Variants in MYRFL observed in about 807,000 individuals in gnomAD.
MYRFL encodes the protein myelin regulatory factor like, also known as myelin regulatory factor-like protein.
In MYRFL, 88 loss-of-function variants were observed where a neutral mutation model predicts 109.4. That is an observed-to-expected ratio of 0.80 (90% CI 0.68 to 0.96). The LOEUF (loss-of-function observed/expected upper bound fraction) is 0.96. MYRFL is among the 40% of genes least tolerant of loss of function. MYRFL has a pLI of 0.00. For missense variants in MYRFL, 957 were observed against 954.9 expected (o/e 1.00, Z -0.03); for synonymous variants, 324 against 320.9 (o/e 1.01, Z -0.10).
In MYRFL at chr12:69,863,050, AT is replaced by A. The variant is rs1331190615; in HGVS notation, c.137+7683del. On this transcript the variant is annotated intron_variant, in intron 2 of 24. Transcript: ENST00000552032. ...TGGTTCTGTTTATATGCTGGATTAC[AT>A]TTATTGATTTGCATATATTGAACCA... 2.0e-5 allele frequency among the ~76,000 whole-genome samples: 3 copies of A among 151,974 alleles called. No homozygotes were observed. The East Asian group carries it at 5.8e-4, about 29-fold the overall frequency.
Position 69,957,821 on chromosome 12 carries a change from G to A in MYRFL, c.2451-1G>A. 6.6e-7 allele frequency: 1 copy of A among 1,519,532 alleles called. No individual in the cohort carries two copies. Among genetic ancestry groups the A allele is most frequent in the Non-Finnish European group, 8.8e-7 (1 of 1,135,212 alleles). 94.1% of individuals were successfully genotyped at this position (1,519,532 alleles called of 1,614,324 possible). A position where few individuals can be genotyped will look rare whatever the true frequency, so the allele number is the denominator to read the frequency against. On this transcript the variant is annotated splice_acceptor_variant, in intron 22 of 24. Coordinates refer to ENST00000552032, the MANE Select transcript of MYRFL (RefSeq NM_182530.3). LOFTEE classifies it high-confidence loss of function. ...CTCTTTCTTTTCTTTGTCTCTTGAA[G>A]CACAACAGAGCCATTGATAGTCTTC...
intron 1 of MYRFL, among the ~76,000 whole-genome samples, chr12:69,853,900 C>T (rs530215295): frequency 1.4e-3 from 208 of 151,722 alleles, no homozygotes; most frequent in African/African-American, 4.5e-3. Flanking sequence ...ACATCCCAGA[C>T]GATGGGCGGC....
At chr12:69,853,690 G>A (rs1884065424) in intron 1 of MYRFL, among the ~76,000 whole-genome samples, 1 of 148,244 alleles carries the variant, frequency 6.7e-6, no homozygotes, top group South Asian at 2.2e-4. Context: ...GGGCAGAGAC[G>A]ATCCTCACTT....
At chr12:69,932,077 C>T (rs1295566787) in intron 15 of MYRFL, among the ~76,000 whole-genome samples, 1 of 152,138 alleles carries the variant, frequency 6.6e-6, no homozygotes, top group African/African-American at 2.4e-5. Flanking sequence ...CATAATTTGT[C>T]ATGATACCCG....
At chr12:69,901,678 G>A (rs1486610412) in intron 10 of MYRFL, among the ~76,000 whole-genome samples, 3 of 152,056 alleles carry the variant, frequency 2.0e-5, no homozygotes, top group Non-Finnish European at 2.9e-5. Flanking sequence ...ATCTTATATG[G>A]CATACCTTTG....
At chr12:69,869,972 C>T (rs917007122) in intron 2 of MYRFL, among the ~76,000 whole-genome samples, 3 of 152,138 alleles carry the variant, frequency 2.0e-5, no homozygotes, top group Admixed American at 1.3e-4. Flanking sequence ...AGATTCAACC[C>T]CTGGGAGATT....
intron 16 of MYRFL, among the ~76,000 whole-genome samples, chr12:69,935,179 C>T (rs902489722): frequency 4.1e-5 from 6 of 146,442 alleles, no homozygotes; most frequent in Non-Finnish European, 6.0e-5. Flanking sequence ...TTTATAAGCA[C>T]ATATGGCACA....
At chr12:69,855,202 A>G (rs1369975394) in intron 1 of MYRFL, 78 bp from the exon 2 acceptor site, 1 of 651,800 alleles carries the variant, frequency 1.5e-6, no homozygotes, top group Non-Finnish European at 2.8e-6. Context: ...CCCTGACCTT[A>G]AAGATTTGTC....
At chr12:69,919,382 GGCAA>G (rs759669796) in intron 13 of MYRFL, among the ~76,000 whole-genome samples, 1 of 152,182 alleles carries the variant, frequency 6.6e-6, no homozygotes, top group East Asian at 1.9e-4. Context: ...AGGATTCTAA[GGCAA>G]ACAAAGGGCA....
At chr12:69,827,395 A>G (rs1423679122) in intron 1 of MYRFL, among the ~76,000 whole-genome samples, 1 of 152,020 alleles carries the variant, frequency 6.6e-6, no homozygotes, top group Non-Finnish European at 1.5e-5. Flanking sequence ...TGTCTCAGGA[A>G]AATGACAAGG....
intron 13 of MYRFL, among the ~76,000 whole-genome samples, chr12:69,912,808 G>T (rs959869796): frequency 1.3e-5 from 2 of 152,056 alleles, no homozygotes; most frequent in African/African-American, 4.8e-5. Context: ...AATTTAGGGG[G>T]AATATTTACT....
chr12:69,926,780 G>T, intron 14 of MYRFL, 46 bp downstream of exon 14: 1 of 1,348,750 alleles, frequency 7.4e-7, no homozygotes, highest in Admixed American at 3.1e-5. Context: ...AAAGGAGAGA[G>T]TGAGCTCTTT....
intron 1 of MYRFL, among the ~76,000 whole-genome samples, chr12:69,840,831 C>T (rs1229529665): frequency 3.9e-5 from 6 of 152,162 alleles, no homozygotes; most frequent in Non-Finnish European, 4.4e-5. Flanking sequence ...CAAATTTTTG[C>T]ATCTGTGACA....
In MYRFL at chr12:69,952,817, G is replaced by A. The variant is rs572940419; in HGVS notation, c.2306G>A (p.Ser769Asn). 81 of 1,534,072 alleles carry A rather than the reference G, an allele frequency of 5.3e-5. No individual in the cohort carries two copies. The South Asian group carries it at 8.9e-4, about 17-fold the overall frequency. The change falls in exon 21 of 25, where the codon AGT becomes AAT. Residue 769 changes from serine to asparagine, a missense_variant. By Grantham distance (46) the Ser-to-Asn change is conservative. Transcript: ENST00000552032. ...WESDWIDTTI[S>N]SIQIMEIQQI... is the part of the protein sequence containing the mutation. ...AATTCAGGGATTGATACAACCATCA[G>A]TTCTATTCAGATTATGGAAATCCAG...
At chr12:69,958,153 C>A in intron 23 of MYRFL, 96 bp from the exon 24 acceptor site, 1 of 1,226,272 alleles carries the variant, frequency 8.2e-7, no homozygotes, top group Non-Finnish European at 1.1e-6. Context: ...AATACTTCTC[C>A]TACAGTCATT....
At chr12:69,868,445 C>T (rs1386971263) in intron 2 of MYRFL, among the ~76,000 whole-genome samples, 1 of 152,104 alleles carries the variant, frequency 6.6e-6, no homozygotes, top group African/African-American at 2.4e-5. Flanking sequence ...GGATTAAGTA[C>T]AATGATGGTA....
chr12:69,947,603 TA>T lies in MYRFL; in HGVS notation c.2225-4507del, dbSNP rs1456340419. On this transcript the variant is annotated intron_variant, in intron 19 of 24. Coordinates refer to ENST00000552032, the MANE Select transcript of MYRFL (RefSeq NM_182530.3). ...GACAGGAGAGTTAGATATTAAAAAG[TA>T]AAGAGCCTGTGGAGAAAAGCATCTA... is the stretch of plus-strand genomic sequence containing the variant. Among the ~76,000 whole-genome samples the T allele has an allele frequency of 5.3e-5, 8 of 152,288 alleles. No individual in the cohort carries two copies. In the East Asian group the frequency reaches 1.5e-3, roughly 29 times the overall value.
rs148197720 is a variant in MYRFL at position 69,854,846 on chromosome 12, G to A, written c.47-434G>A. 7.6e-4 allele frequency among the ~76,000 whole-genome samples: 116 copies of A among 152,152 alleles called. 1 individual carries two copies. The highest frequency in any genetic ancestry group is 3.4e-3 in the Middle Eastern group (1 of 294). On this transcript the variant is annotated intron_variant, in intron 1 of 24. Transcript: ENST00000552032. Reference sequence around the variant, plus strand: ...TATTTCTGTTTATCAGTTGTATAGCGTCATGTTATCTGCAAATAAAAACAG... The same window carrying A: ...TATTTCTGTTTATCAGTTGTATAGCATCATGTTATCTGCAAATAAAAACAG...
At position 69,825,429 on chromosome 12, in the gene MYRFL, C is replaced by T. The variant is rs902119785; in HGVS notation, c.-89C>T. 3.3e-5 allele frequency: 23 copies of T among 692,788 alleles called. No homozygotes were observed. Among genetic ancestry groups the T allele is most frequent in the South Asian group, 2.3e-4 (15 of 65,606 alleles). 42.9% of individuals were successfully genotyped at this position (692,788 alleles called of 1,614,324 possible). A position where few individuals can be genotyped will look rare whatever the true frequency, so the allele number is the denominator to read the frequency against. On this transcript the variant is annotated 5_prime_UTR_variant, in exon 1 of 25. Coordinates refer to ENST00000552032, the MANE Select transcript of MYRFL (RefSeq NM_182530.3). The stretch of plus-strand genomic sequence containing the variant: ...AAAATGAAGATTTTTCAAGAGCATT[C>T]GTAGGCTTCGAATCAAAAGGACAGT...
Sources: allele counts gnomAD v4.1 joint callset (sites outside exome capture counted in the v4.1 genomes callset), GRCh38; gene constraint gnomAD v4.1.1; transcripts MANE v1.5; gene names NCBI Gene and HGNC (gene_info 2026-07-23, HGNC 2026-07-21).